Variants in GALNT17 observed in about 807,000 individuals in gnomAD.
The protein encoded by GALNT17 is UDP-GalNAc:polypeptide N-acetylgalactosaminyltransferase-like 3.
GALNT17 carries 29 observed loss-of-function variants against 63.7 expected under a neutral mutation model. The observed-to-expected ratio is 0.46, with a 90% CI of 0.34 to 0.62. GALNT17 has a LOEUF of 0.62. GALNT17 is among the 20% of genes least tolerant of loss of function. The pLI, the probability that GALNT17 is intolerant of heterozygous loss-of-function variation, is 0.01. For synonymous variants in GALNT17, 305 were observed against 318.3 expected (o/e 0.96, Z 0.45); for missense variants, 603 against 799.6 (o/e 0.75, Z 2.97).
At chr7:71,360,999 A>G (rs1792390115) in intron 2 of GALNT17, among the ~76,000 whole-genome samples, 1 of 152,188 alleles carries the variant, frequency 6.6e-6, no homozygotes, top group Non-Finnish European at 1.5e-5. Flanking sequence ...ACATCAAGAA[A>G]CAAATAATCC....
At chr7:71,206,876 C>T (rs778801541) in intron 1 of GALNT17, among the ~76,000 whole-genome samples, 8 of 152,066 alleles carry the variant, frequency 5.3e-5, no homozygotes, top group Non-Finnish European at 1.0e-4. Context: ...GAGGCCAAGA[C>T]GGGCGGATCA....
At chr7:71,251,065 A>C (rs1255403987) in intron 1 of GALNT17, among the ~76,000 whole-genome samples, 3 of 152,184 alleles carry the variant, frequency 2.0e-5, no homozygotes, top group Non-Finnish European at 4.4e-5. Flanking sequence ...CATGTGCACA[A>C]CGTGCAGGTT....
intron 9 of GALNT17, among the ~76,000 whole-genome samples, chr7:71,701,912 CAT>C (rs1371625465): frequency 8.2e-6 from 1 of 122,124 alleles, no homozygotes; most frequent in African/African-American, 3.5e-5. Flanking sequence ...TATATATATA[CAT>C]ATATATATGT....
At chr7:71,359,173 G>A (rs1286705664) in intron 2 of GALNT17, among the ~76,000 whole-genome samples, 2 of 152,246 alleles carry the variant, frequency 1.3e-5, no homozygotes, top group African/African-American at 4.8e-5. Context: ...GAATACCTCA[G>A]GTTGGATACT....
intron 6 of GALNT17, among the ~76,000 whole-genome samples, chr7:71,641,716 T>C (rs1257624702): frequency 6.6e-6 from 1 of 151,684 alleles, no homozygotes; most frequent in East Asian, 2.0e-4. Flanking sequence ...TGGGGAGACA[T>C]GGACATTCAA....
intron 6 of GALNT17, among the ~76,000 whole-genome samples, chr7:71,597,046 T>C (rs929955781): frequency 1.3e-4 from 19 of 151,866 alleles, no homozygotes; most frequent in African/African-American, 4.6e-4. Flanking sequence ...TTCGTTTGTT[T>C]GTTTGTTTTG....
chr7:71,141,188 G>A (rs1263216356), intron 1 of GALNT17, among the ~76,000 whole-genome samples: 1 of 151,740 alleles, frequency 6.6e-6, no homozygotes, highest in Non-Finnish European at 1.5e-5. Context: ...CCAACATGGC[G>A]AAACCCCATC....
chr7:71,490,361 G>A (rs1348781159), intron 5 of GALNT17, among the ~76,000 whole-genome samples: 3 of 152,130 alleles, frequency 2.0e-5, no homozygotes, highest in African/African-American at 7.2e-5. Flanking sequence ...ATAGATTCAG[G>A]TGCATCTGCC....
chr7:71,227,430 G>A (rs1213268121), intron 1 of GALNT17, among the ~76,000 whole-genome samples: 1 of 151,856 alleles, frequency 6.6e-6, no homozygotes, highest in African/African-American at 2.4e-5. Context: ...GCTGGTCCCT[G>A]GGAGAACTCA....
chr7:71,664,856 A>G (rs1182328689), intron 6 of GALNT17, among the ~76,000 whole-genome samples: 1 of 152,100 alleles, frequency 6.6e-6, no homozygotes, highest in Non-Finnish European at 1.5e-5. Flanking sequence ...TGGATTTTAT[A>G]TCCTGAGCTG....
At chr7:71,683,681 G>A (rs768380521) in intron 9 of GALNT17, among the ~76,000 whole-genome samples, 10 of 152,224 alleles carry the variant, frequency 6.6e-5, no homozygotes, top group South Asian at 2.1e-4. Flanking sequence ...ACAAACATCC[G>A]CTTCTTTTTG....
At chr7:71,606,114 ATTTTTTT>A (rs10580489) in intron 6 of GALNT17, among the ~76,000 whole-genome samples, 4 of 116,034 alleles carry the variant, frequency 3.4e-5, no homozygotes, top group African/African-American at 9.6e-5. Context: ...TAATTTTTGT[ATTTTTTT>A]TTTTTTTTTT....
At chr7:71,232,494 TA>T (rs1789809800) in intron 1 of GALNT17, among the ~76,000 whole-genome samples, 1 of 152,042 alleles carries the variant, frequency 6.6e-6, no homozygotes, top group South Asian at 2.1e-4. Flanking sequence ...AGTTAGGGAC[TA>T]GGGGGGATTT....
chr7:71,321,923 C>CTTCT, intron 1 of GALNT17, among the ~76,000 whole-genome samples: 1 of 47,082 alleles, frequency 2.1e-5, no homozygotes, highest in Admixed American at 2.3e-4. Flanking sequence ...TCCTTCCTTC[C>CTTCT]CCTCCCTCCC....
intron 5 of GALNT17, among the ~76,000 whole-genome samples, chr7:71,426,933 A>C (rs913128188): frequency 2.0e-5 from 3 of 151,938 alleles, no homozygotes; most frequent in African/African-American, 7.3e-5. Flanking sequence ...TCTCAAAAAA[A>C]AAGATATTGG....
intron 5 of GALNT17, among the ~76,000 whole-genome samples, chr7:71,563,405 G>C (rs982232460): frequency 2.6e-5 from 4 of 152,112 alleles, no homozygotes; most frequent in Admixed American, 2.6e-4. Flanking sequence ...CCACTCACGA[G>C]GCAGGTGCCA....
chr7:71,640,841 A>G (rs975594097), intron 6 of GALNT17, among the ~76,000 whole-genome samples: 1 of 143,570 alleles, frequency 7.0e-6, no homozygotes, highest in Non-Finnish European at 1.5e-5. Flanking sequence ...GCAAGACCCC[A>G]TCTCAAAAAA....
At chr7:71,141,174 C>T (rs1163932976) in intron 1 of GALNT17, among the ~76,000 whole-genome samples, 1 of 152,018 alleles carries the variant, frequency 6.6e-6, no homozygotes, top group Non-Finnish European at 1.5e-5. Flanking sequence ...CAAGACCAGC[C>T]TGGCCAACAT....
intron 1 of GALNT17, among the ~76,000 whole-genome samples, chr7:71,327,322 G>A (rs969248506): frequency 5.3e-5 from 8 of 152,264 alleles, no homozygotes; most frequent in Non-Finnish European, 1.2e-4. Flanking sequence ...TGGTGGAAGG[G>A]GAAAGGCATG....
Sources: gnomAD v4.1 joint callset for allele counts (sites outside exome capture counted in the v4.1 genomes callset) on GRCh38, gnomAD v4.1.1 for gene constraint, MANE v1.5 for transcripts, NCBI Gene and HGNC (gene_info 2026-07-23, HGNC 2026-07-21) for gene names.